The following CBX7 variants were observed in gnomAD, a reference collection of about 807,000 sequenced individuals.
CBX7 encodes the protein chromobox 7, also known as chromobox protein homolog 7.
In CBX7, 14 loss-of-function variants were observed where a neutral mutation model predicts 31.4. The ratio of observed to expected loss-of-function variants is 0.45; its 90% CI spans 0.29 to 0.70. The LOEUF (loss-of-function observed/expected upper bound fraction) is 0.70. Ranked by LOEUF, CBX7 falls within the 30% of genes least tolerant of loss-of-function variation. CBX7 has a pLI of 0.11. For missense variants in CBX7, 269 were observed against 351.9 expected, an observed-to-expected ratio of 0.76 and a Z score of 1.89; for synonymous variants, 159 against 152.6, an observed-to-expected ratio of 1.04 and a Z score of -0.31.
chr22:39,145,773 C>T (rs1430722867), intron 2 of CBX7, among the ~76,000 whole-genome samples: 2 of 151,266 alleles, frequency 1.3e-5, no homozygotes, highest in African/African-American at 2.4e-5. Flanking sequence ...CCGAGATAAA[C>T]ACGGCCACGT....
chr22:39,137,371 G>A (rs186091851), intron 4 of CBX7, among the ~76,000 whole-genome samples: 66 of 151,874 alleles, frequency 4.3e-4, no homozygotes, highest in Non-Finnish European at 4.4e-4. Flanking sequence ...GGCAGGGGAC[G>A]GAGTTTCACT....
chr22:39,143,857 G>A (rs556486708), intron 2 of CBX7, among the ~76,000 whole-genome samples: 129 of 152,312 alleles, frequency 8.5e-4, no homozygotes, highest in African/African-American at 2.8e-3. Context: ...TGTGCCTAAG[G>A]TCACTCTGAT....
chr22:39,144,244 C>A (rs1282741261), intron 2 of CBX7, among the ~76,000 whole-genome samples: 1 of 152,200 alleles, frequency 6.6e-6, no homozygotes, highest in Non-Finnish European at 1.5e-5. Context: ...GCAGTGAAGC[C>A]CTGAGCCTGG....
intron 2 of CBX7, among the ~76,000 whole-genome samples, chr22:39,142,254 T>A (rs1041750192): frequency 1.3e-5 from 2 of 152,174 alleles, no homozygotes; most frequent in Non-Finnish European, 2.9e-5. Context: ...GCGTGCCTGA[T>A]GTGTCGTCAG....
Position 39,151,344 on chromosome 22 carries a change from C to A in CBX7, c.69+1032G>T, listed in dbSNP as rs117505147. On this transcript the variant is annotated intron_variant, in intron 1 of 5. Transcript: ENST00000216133. Reference sequence around the variant, plus strand: ...ACCACCTTGACCTTCACCCTTGGCCCGAGATGCCAGGACTGAGTTTTCTCT... The same window carrying A: ...ACCACCTTGACCTTCACCCTTGGCCAGAGATGCCAGGACTGAGTTTTCTCT... Among the ~76,000 whole-genome samples, 80 of 152,270 alleles carry A rather than the reference C, an allele frequency of 5.3e-4. 2 individuals are homozygous for A. In the East Asian group the frequency reaches 0.014, roughly 28 times the overall value.
intron 3 of CBX7, among the ~76,000 whole-genome samples, chr22:39,140,774 G>T (rs1930426227): frequency 6.6e-6 from 1 of 152,164 alleles, no homozygotes; most frequent in Admixed American, 6.5e-5. Flanking sequence ...GTTAGGGTGT[G>T]CCCAGCTTCC....
chr22:39,139,885 G>A (rs575986657), intron 3 of CBX7, among the ~76,000 whole-genome samples: 5 of 151,716 alleles, frequency 3.3e-5, no homozygotes, highest in Admixed American at 6.6e-5. Context: ...AGCCAAGATC[G>A]CACCACTGCA....
chr22:39,139,718 A>AG (rs1201099026), intron 3 of CBX7, among the ~76,000 whole-genome samples: 2 of 142,476 alleles, frequency 1.4e-5, no homozygotes, highest in African/African-American at 2.6e-5. Flanking sequence ...AAAAAAAAAA[A>AG]AAAGAAAGAA....
At chr22:39,138,869 T>A (rs1287620269) in intron 3 of CBX7, among the ~76,000 whole-genome samples, 167 bp from the exon 4 acceptor site, 1 of 151,364 alleles carries the variant, frequency 6.6e-6, no homozygotes, top group Non-Finnish European at 1.5e-5. Context: ...AACAACGGGG[T>A]CAGATGTTCA....
Position 39,134,709 on chromosome 22 carries a change from C to T in CBX7, c.290G>A (p.Gly97Asp). Residue 97 changes from glycine to aspartate, a missense_variant, in exon 5 of 6, where the codon GGC becomes GAC. Around this residue, in one of 2 missense-constraint regions of CBX7, gnomAD observed 222 missense variants for 240.4 expected, o/e 0.92. Transcript: ENST00000216133. ...CAGGGAGAAGCAGAGCTTCTCCTTG[C>T]CCTTGGCCTTGTGGGAGCTCCGCAG... The part of the protein sequence containing the change: ...MDLRSSHKAK[G>D]KEKLCFSLTC... 1 of 1,573,570 alleles carries T rather than the reference C, an allele frequency of 6.4e-7. No individual in the cohort carries two copies. Among genetic ancestry groups the T allele is most frequent in the South Asian group, 1.2e-5 (1 of 86,712 alleles).
chr22:39,141,123 C>T, intron 3 of CBX7: 1 of 481,166 alleles, frequency 2.1e-6, no homozygotes. Context: ...CATTTGACAG[C>T]AGAGAGACTG....
intron 2 of CBX7, among the ~76,000 whole-genome samples, chr22:39,143,302 A>G (rs1379379512): frequency 6.6e-6 from 1 of 151,686 alleles, no homozygotes; most frequent in East Asian, 1.9e-4. Context: ...ATTAAAAAAA[A>G]CTTTAAAAGT....
intron 2 of CBX7, among the ~76,000 whole-genome samples, chr22:39,145,198 C>A (rs1196802012): frequency 6.6e-6 from 1 of 152,228 alleles, no homozygotes; most frequent in Non-Finnish European, 1.5e-5. Flanking sequence ...CACTTGGCTG[C>A]CGAGTGCAGC....
At chr22:39,149,680 C>G (rs1472630482) in intron 2 of CBX7, 109 bp downstream of exon 2, 1 of 889,962 alleles carries the variant, frequency 1.1e-6, no homozygotes, top group African/African-American at 1.6e-5. Flanking sequence ...TGTCCAGTTA[C>G]AAGAGTAGCT....
chr22:39,135,585 C>T (rs562982122), intron 4 of CBX7: 1 of 152,378 alleles, frequency 6.6e-6, no homozygotes, highest in East Asian at 1.9e-4. Flanking sequence ...GGTCAAACAC[C>T]TCCAAGCTGA....
In CBX7 at chr22:39,134,543, C is replaced by A. The variant is rs143924626; in HGVS notation, c.456G>T (p.Ser152=). The change falls in exon 5 of 6, where the codon TCG becomes TCT. Residue 152 remains serine, a synonymous_variant. Transcript: ENST00000216133. ...GCCCGCGGGGCGGGAACTTCTTGCGCGAGAGCCGCAGGTACTTGTGGGCCT... is the reference window on the plus strand; with the variant it reads ...GCCCGCGGGGCGGGAACTTCTTGCGAGAGAGCCGCAGGTACTTGTGGGCCT... ...PRKAHKYLRL[S]RKKFPPRGPN... 1.2e-6 allele frequency: 2 copies of A among 1,610,164 alleles called. No homozygotes were observed. Among genetic ancestry groups the A allele is most frequent in the Non-Finnish European group, 1.7e-6 (2 of 1,178,778 alleles).
Position 39,134,012 on chromosome 22 carries a change from G to A in CBX7, c.635C>T (p.Thr212Ile). The A allele has an allele frequency of 3.1e-6, 5 of 1,610,166 alleles. No homozygotes were observed. The highest frequency in any genetic ancestry group is 4.2e-6 in the Non-Finnish European group (5 of 1,177,384). ...ADLAEGPPPW[T>I]PALPSSEVTV... ...CACCTCACTTGAGGGGAGCGCAGGT[G>A]TCCAGGGAGGGGGCCCCTCGGCCAG... The change falls in exon 6 of 6, where the codon ACA becomes ATA. Residue 212 changes from threonine (T) to isoleucine (I), a missense_variant. Physicochemically the swap from Thr to Ile is moderately conservative, Grantham distance 89 (BLOSUM62 -1). This residue lies in a region of CBX7 where 222 missense variants were observed against 240.4 expected (regional missense o/e 0.92). Coordinates refer to ENST00000216133, the MANE Select transcript of CBX7 (RefSeq NM_175709.5).
chr22:39,152,271 G>GC lies in CBX7; in HGVS notation c.69+104dup. The GC allele has an allele frequency of 4.7e-6, 3 of 634,376 alleles. No individual in the cohort carries two copies. Among genetic ancestry groups the GC allele is most frequent in the Non-Finnish European group, 6.5e-6 (3 of 459,924 alleles). The allele number at this position is 634,376 out of a possible 1,614,324, so 39.3% of individuals were successfully genotyped here. A position where few individuals can be genotyped will look rare whatever the true frequency, so the allele number is the denominator to read the frequency against. ...GGCCCAGCAGCGCAGGGCTGCCGGGGCCCCCGCGCCCCGCTTTCCCCTTCA... is the reference window on the plus strand; with the variant it reads ...GGCCCAGCAGCGCAGGGCTGCCGGGGCCCCCCGCGCCCCGCTTTCCCCTTCA... On this transcript the variant is annotated intron_variant, in intron 1 of 5. Transcript: ENST00000216133. This position sits in a 1 kb window ranked among gnomAD's most constrained non-coding sequence, Gnocchi z 4.9.
chr22:39,141,259 C>G (rs1930444825), intron 3 of CBX7, 112 bp downstream of exon 3: 2 of 847,360 alleles, frequency 2.4e-6, no homozygotes, highest in Non-Finnish European at 3.7e-6. Flanking sequence ...CTGGCCTGCC[C>G]CATCGGACAC....
Sources: gnomAD v4.1 joint callset for allele counts (sites outside exome capture counted in the v4.1 genomes callset) on GRCh38, gnomAD v4.1.1 for gene constraint, gnomAD v4.1.1 regional missense constraint, Gnocchi (gnomAD v3.1) non-coding constraint, MANE v1.5 for transcripts, NCBI Gene and HGNC (gene_info 2026-07-23, HGNC 2026-07-21) for gene names.